Variants in FHOD3 observed in about 807,000 individuals in gnomAD.
FHOD3 encodes formin homology 2 domain containing 3, also known as FH1/FH2 domain-containing protein 3.
In FHOD3, 90 loss-of-function variants were observed where a neutral mutation model predicts 173.0. The observed-to-expected ratio is 0.52, with a 90% CI of 0.44 to 0.62. The LOEUF (loss-of-function observed/expected upper bound fraction) is 0.62, where lower values mean the gene tolerates loss of function less well. Ranked by LOEUF, FHOD3 falls within the 20% of genes least tolerant of loss-of-function variation. The pLI, the probability that FHOD3 is intolerant of heterozygous loss-of-function variation, is 0.00. For synonymous variants in FHOD3, 828 were observed against 823.0 expected (o/e 1.01, Z -0.10); for missense variants, 1,945 against 2,034.7 (o/e 0.96, Z 0.85).
intron 28 of FHOD3, among the ~76,000 whole-genome samples, chr18:36,776,443 A>G (rs1479529816): frequency 1.3e-5 from 2 of 152,112 alleles, no homozygotes; most frequent in Admixed American, 6.6e-5. Flanking sequence ...TGGGTGTAAG[A>G]CTGATTTTAG....
At chr18:36,298,040 C>T (rs2091841632) in intron 1 of FHOD3, 40 bp downstream of exon 1, 4 of 1,421,702 alleles carry the variant, frequency 2.8e-6, no homozygotes, top group Non-Finnish European at 3.7e-6. Context: ...CTGGACTCAG[C>T]CCCCTGCCGC....
intron 5 of FHOD3, among the ~76,000 whole-genome samples, chr18:36,541,041 A>G (rs1356701705): frequency 1.3e-4 from 20 of 151,694 alleles, no homozygotes; most frequent in Admixed American, 1.2e-3. Flanking sequence ...ACCTGAGATC[A>G]GGAGTTAGAG....
At position 36,337,636 on chromosome 18, in the gene FHOD3, T is replaced by C. The variant is rs560255975; in HGVS notation, c.166-17903T>C. 2.0e-5 allele frequency among the ~76,000 whole-genome samples: 3 copies of C among 152,298 alleles called. No individual in the cohort carries two copies. In the East Asian group the frequency reaches 5.8e-4, roughly 29 times the overall value. On this transcript the variant is annotated intron_variant, in intron 1 of 28. Coordinates refer to ENST00000590592, the MANE Select transcript of FHOD3 (RefSeq NM_001281740.3). ...ATGAGCAAGGACCATGCTTGTGTTT[T>C]TTTCTTTCTTTTTTTCTCTTCCGAT...
At chr18:36,372,965 G>T (rs748432165) in intron 3 of FHOD3, among the ~76,000 whole-genome samples, 7 of 152,152 alleles carry the variant, frequency 4.6e-5, no homozygotes, top group Non-Finnish European at 1.0e-4. Flanking sequence ...AAGACAGCTT[G>T]CTGGTGAGGT....
chr18:36,721,339 A>G (rs548860171), intron 19 of FHOD3, among the ~76,000 whole-genome samples: 17 of 152,340 alleles, frequency 1.1e-4, no homozygotes, highest in Admixed American at 7.8e-4. Context: ...AGTTAGGATT[A>G]AAACACGTCA....
At chr18:36,705,584 G>A (rs2039831222) in intron 17 of FHOD3, among the ~76,000 whole-genome samples, 1 of 152,166 alleles carries the variant, frequency 6.6e-6, no homozygotes, top group Non-Finnish European at 1.5e-5. Context: ...TTTGCCACAC[G>A]GATATCACGG....
In FHOD3 at chr18:36,748,367, C is replaced by CACACACACACACACA. The variant is rs1370565169; in HGVS notation, c.4232+1248_4232+1262dup. On this transcript the variant is annotated intron_variant, in intron 24 of 28. Transcript: ENST00000590592. ...CCCATTTAAAATACACGCACGCGCA[C>CACACACACACACACA]ACACACACACACACAACACACACAC... 2.4e-5 allele frequency among the ~76,000 whole-genome samples: 3 copies of CACACACACACACACA among 126,512 alleles called. No individual in the cohort carries two copies. The East Asian group carries it at 6.2e-4, about 26-fold the overall frequency. The allele number at this position is 126,512 out of a possible 152,430, so 83.0% of individuals were successfully genotyped here.
chr18:36,610,355 C>A (rs1270170882), intron 8 of FHOD3, among the ~76,000 whole-genome samples: 2 of 152,184 alleles, frequency 1.3e-5, no homozygotes, highest in African/African-American at 2.4e-5. Context: ...GAATGATGTG[C>A]AATTTTTCAA....
At chr18:36,532,123 C>T (rs1430890566) in intron 5 of FHOD3, among the ~76,000 whole-genome samples, 2 of 152,222 alleles carry the variant, frequency 1.3e-5, no homozygotes, top group Non-Finnish European at 1.5e-5. Flanking sequence ...CCCTAAGTTC[C>T]TCCCAGGCCT....
At chr18:36,354,386 CAG>C (rs897360847) in intron 1 of FHOD3, among the ~76,000 whole-genome samples, 161 of 152,278 alleles carry the variant, frequency 1.1e-3, no homozygotes, top group African/African-American at 3.8e-3. Context: ...ACTCATTTTA[CAG>C]AGTCCTCATT....
At chr18:36,478,322 T>C (rs887533562) in intron 3 of FHOD3, among the ~76,000 whole-genome samples, 2 of 152,200 alleles carry the variant, frequency 1.3e-5, no homozygotes, top group African/African-American at 4.8e-5. Context: ...TATATATTTA[T>C]GGGATATACA....
At chr18:36,541,465 C>G (rs1012746085) in intron 5 of FHOD3, among the ~76,000 whole-genome samples, 2 of 151,900 alleles carry the variant, frequency 1.3e-5, no homozygotes, top group African/African-American at 4.8e-5. Flanking sequence ...GCTGAGGCAC[C>G]AGGATCCCTT....
chr18:36,654,736 C>T (rs1038318404), intron 13 of FHOD3, among the ~76,000 whole-genome samples: 11 of 152,186 alleles, frequency 7.2e-5, no homozygotes, highest in African/African-American at 2.7e-4. Flanking sequence ...TCCGTCTTCT[C>T]CCTCCAGCAT....
Position 36,574,143 on chromosome 18 carries a change from T to C in FHOD3, c.512-2308T>C, listed in dbSNP as rs940545769. Among the ~76,000 whole-genome samples, 9 of 152,324 alleles carry C rather than the reference T, an allele frequency of 5.9e-5. No individual in the cohort carries two copies. The South Asian group carries it at 1.9e-3, about 32-fold the overall frequency. Reference sequence around the variant, plus strand: ...TCCCTCTGGAGAACTTGGCACACAGTGAGCGCTAAATACATGGTAACTTTA... The same window carrying C: ...TCCCTCTGGAGAACTTGGCACACAGCGAGCGCTAAATACATGGTAACTTTA... On this transcript the variant is annotated intron_variant, in intron 5 of 28. Transcript: ENST00000590592.
intron 28 of FHOD3, among the ~76,000 whole-genome samples, chr18:36,776,653 C>T (rs982572553): frequency 4.6e-5 from 7 of 152,144 alleles, no homozygotes; most frequent in Admixed American, 1.3e-4. Context: ...CATGAATACT[C>T]GCTTTTCAGG....
chr18:36,546,930 G>A (rs186878655), intron 5 of FHOD3, among the ~76,000 whole-genome samples: 48 of 152,308 alleles, frequency 3.2e-4, no homozygotes, highest in Non-Finnish European at 6.6e-4. Context: ...CTCGAAGCAA[G>A]TAGTGAGATC....
chr18:36,462,555 T>C (rs1185083641), intron 3 of FHOD3, among the ~76,000 whole-genome samples: 1 of 151,782 alleles, frequency 6.6e-6, no homozygotes, highest in Non-Finnish European at 1.5e-5. Context: ...ATGGTCTCAA[T>C]CTCCTGAGCT....
chr18:36,751,875 A>T (rs2042416723), intron 24 of FHOD3, among the ~76,000 whole-genome samples: 1 of 152,172 alleles, frequency 6.6e-6, no homozygotes, highest in South Asian at 2.1e-4. Context: ...ACAGAGAGGG[A>T]CTGGGGAGAG....
chr18:36,482,114 A>AGG (rs2053933173), intron 3 of FHOD3, among the ~76,000 whole-genome samples: 1 of 152,060 alleles, frequency 6.6e-6, no homozygotes, highest in African/African-American at 2.4e-5. Flanking sequence ...AGAGGGAAGG[A>AGG]GGGGGAGGGT....
Sources: allele counts gnomAD v4.1 joint callset (sites outside exome capture counted in the v4.1 genomes callset), GRCh38; gene constraint gnomAD v4.1.1; transcripts MANE v1.5; gene names NCBI Gene and HGNC (gene_info 2026-07-23, HGNC 2026-07-21).